TYRO3: variants seen among roughly 807,000 people sequenced by gnomAD.
TYRO3 encodes the protein TYRO3 protein tyrosine kinase.
In TYRO3, 38 loss-of-function variants were observed where a neutral mutation model predicts 95.2. That is an observed-to-expected ratio of 0.40 (90% CI 0.31 to 0.52). The LOEUF (loss-of-function observed/expected upper bound fraction) is 0.52, where lower values mean the gene tolerates loss of function less well. TYRO3 is among the 20% of genes least tolerant of loss of function. The pLI, the probability that TYRO3 is intolerant of heterozygous loss-of-function variation, is 0.56. For synonymous variants in TYRO3, 367 were observed against 432.9 expected (o/e 0.85, Z 1.89); for missense variants, 812 against 1,116.4 (o/e 0.73, Z 3.89).
At chr15:41,565,909 G>T (rs892565939) in intron 6 of TYRO3, among the ~76,000 whole-genome samples, 2 of 152,150 alleles carry the variant, frequency 1.3e-5, no homozygotes, top group African/African-American at 2.4e-5. Flanking sequence ...ATGCAGGCTT[G>T]CTCATTTTCA....
Position 41,561,621 on chromosome 15 carries a change from G to T in TYRO3, c.391G>T (p.Val131Leu). Residue 131 changes from valine to leucine, a missense_variant, in exon 3 of 19, where the codon GTG (valine) becomes TTG (leucine). Coordinates refer to ENST00000263798, the MANE Select transcript of TYRO3 (RefSeq NM_006293.4). ...GGGTGAAACCGAGATCTCCCAGCCA[G>T]TGTGGCTCACGGTAGAAGGTGAGGA... is the stretch of plus-strand genomic sequence containing the variant. ...DGGETEISQP[V>L]WLTVEGVPFF... 8 of 1,589,912 alleles carry T rather than the reference G, an allele frequency of 5.0e-6. No individual in the cohort carries two copies. The highest frequency in any genetic ancestry group is 6.8e-6 in the Non-Finnish European group (8 of 1,169,918).
intron 1 of TYRO3, among the ~76,000 whole-genome samples, chr15:41,560,389 GTGTA>G (rs1555395684): frequency 8.3e-5 from 10 of 120,374 alleles, no homozygotes; most frequent in African/African-American, 2.7e-4. Flanking sequence ...GGAGAGGTGC[GTGTA>G]TGTGTGTGTG....
At position 41,578,680 on chromosome 15, in the gene TYRO3, C is replaced by T. The variant is rs954407995; in HGVS notation, c.*404C>T. 1 of 244,672 alleles carries T rather than the reference C, an allele frequency of 4.1e-6. No homozygotes were observed. Among genetic ancestry groups the T allele is most frequent in the Non-Finnish European group, 7.7e-6 (1 of 129,070 alleles). 15.2% of individuals were successfully genotyped at this position (244,672 alleles called of 1,614,324 possible). A position where few individuals can be genotyped will look rare whatever the true frequency, so the allele number is the denominator to read the frequency against. On this transcript the variant is annotated 3_prime_UTR_variant, in exon 19 of 19. Transcript: ENST00000263798. ...GTGCATGCATTGAGCTGCCTCCAGC[C>T]TGGTGGCCCAGCTATTACCACACTT...
chr15:41,574,543 C>G (rs1335765627), intron 18 of TYRO3: 4 of 419,668 alleles, frequency 9.5e-6, no homozygotes, highest in Non-Finnish European at 1.9e-5. Flanking sequence ...GTAACATGGC[C>G]AACGTCACAG....
At chr15:41,563,470 A>ATCTTGACAAGAGGTGGACTATGAGACC in intron 4 of TYRO3, among the ~76,000 whole-genome samples, 1 of 152,198 alleles carries the variant, frequency 6.6e-6, no homozygotes, top group Non-Finnish European at 1.5e-5. Flanking sequence ...AGCAATTTGA[A>ATCTTGACAAGAGGTGGACTATGAGACC]TCTTGACAAG....
intron 1 of TYRO3, among the ~76,000 whole-genome samples, chr15:41,560,420 TGTGTGTGTGCGCGC>T (rs1276738369): frequency 2.8e-5 from 4 of 143,496 alleles, no homozygotes; most frequent in African/African-American, 1.1e-4. Context: ...TGTGTGTGTG[TGTGTGTGTGCGCGC>T]GCGCGCGCGC....
chr15:41,571,443 C>T, intron 13 of TYRO3, 152 bp from the exon 14 acceptor site: 1 of 639,112 alleles, frequency 1.6e-6, no homozygotes. Context: ...TAAGTATCAC[C>T]ACTCCTTGGG....
Position 41,568,105 on chromosome 15 carries a change from G to A in TYRO3, c.962-112G>A, listed in dbSNP as rs943770599. On this transcript the variant is annotated intron_variant, in intron 7 of 18. Coordinates refer to ENST00000263798, the MANE Select transcript of TYRO3 (RefSeq NM_006293.4). ...GAGCTGGGAGGTGAACCCTTCCCCA[G>A]TTTGTGCCTCTCAGAGCTGTTTAGT... The A allele has an allele frequency of 3.3e-5, 48 of 1,435,200 alleles. No individual in the cohort carries two copies. The East Asian group carries it at 6.4e-4, about 19-fold the overall frequency. The allele number at this position is 1,435,200 out of a possible 1,614,324, so 88.9% of individuals were successfully genotyped here.
chr15:41,572,624 G>C, intron 15 of TYRO3, 60 bp downstream of exon 15: 1 of 1,421,136 alleles, frequency 7.0e-7, no homozygotes, highest in Non-Finnish European at 9.6e-7. Flanking sequence ...GGCCTGGAAA[G>C]GCATAGAGAC....
rs747936946 is a variant in TYRO3, at chr15:41,573,749, C to T, written c.2216C>T (p.Ala739Val). ...GQTPYAGIEN[A>V]EIYNYLIGGN... ...ACGCCATATGCTGGCATCGAAAACG[C>T]TGAGATTTACAACTACCTCATTGGC... The change falls in exon 18 of 19, where the codon GCT becomes GTT. Residue 739 changes from alanine (A) to valine (V), a missense_variant. By Grantham distance (64) the Ala-to-Val change is moderately conservative. Coordinates refer to ENST00000263798, the MANE Select transcript of TYRO3 (RefSeq NM_006293.4). 1.3e-5 allele frequency: 21 copies of T among 1,614,160 alleles called. No individual in the cohort carries two copies. In the South Asian group the frequency reaches 2.1e-4, roughly 16 times the overall value.
chr15:41,559,617 G>A (rs950912131), intron 1 of TYRO3, among the ~76,000 whole-genome samples: 1 of 152,236 alleles, frequency 6.6e-6, no homozygotes, highest in Non-Finnish European at 1.5e-5. Context: ...GGAAGAGAAG[G>A]GAGCGGGGTG....
At chr15:41,575,403 C>T (rs1251995507) in intron 18 of TYRO3, among the ~76,000 whole-genome samples, 1 of 152,254 alleles carries the variant, frequency 6.6e-6, no homozygotes, top group Admixed American at 6.5e-5. Context: ...AGCGCAGCCT[C>T]CTCCCCAGCT....
At position 41,571,262 on chromosome 15, in the gene TYRO3, A is replaced by G. The variant is rs1167691510; in HGVS notation, c.1660+144A>G. On this transcript the variant is annotated intron_variant, in intron 13 of 18. Coordinates refer to ENST00000263798, the MANE Select transcript of TYRO3 (RefSeq NM_006293.4). ...CTGGGATGCTCTTTACCACACGAAT[A>G]ATTCACAAGCATAAACCCAAACATA... 5 of 764,340 alleles carry G rather than the reference A, an allele frequency of 6.5e-6. No homozygotes were observed. The African/African-American group carries it at 8.6e-5, about 13-fold the overall frequency. 47.3% of individuals were successfully genotyped at this position (764,340 alleles called of 1,614,324 possible).
At chr15:41,572,152 C>T (rs961747718) in intron 14 of TYRO3, among the ~76,000 whole-genome samples, 6 of 151,998 alleles carry the variant, frequency 3.9e-5, no homozygotes, top group Non-Finnish European at 5.9e-5. Flanking sequence ...GCTGTGATTG[C>T]GCCACTGCAC....
rs772395562 is a variant in TYRO3 at position 41,573,017 on chromosome 15, A to G, written c.1891A>G (p.Thr631Ala). 1 of 1,613,950 alleles carries G rather than the reference A, an allele frequency of 6.2e-7. No homozygotes were observed. ...GENPFNLPLQ[T>A]LIRFMVDIAC... ...TGTCCACTAGAACCTACCCCTCCAG[A>G]CCCTGATCCGGTTCATGGTGGACAT... The change falls in exon 16 of 19, where the codon ACC becomes GCC. Residue 631 changes from threonine to alanine, a missense_variant. Physicochemically the swap from Thr to Ala is moderately conservative, Grantham distance 58 (BLOSUM62 0). Transcript: ENST00000263798.
At chr15:41,559,944 G>C (rs984887458) in intron 1 of TYRO3, among the ~76,000 whole-genome samples, 1 of 152,252 alleles carries the variant, frequency 6.6e-6, no homozygotes, top group African/African-American at 2.4e-5. Flanking sequence ...TTTGGGAGGG[G>C]TTAGTCTTGT....
intron 7 of TYRO3, 98 bp downstream of exon 7, chr15:41,567,635 T>G: frequency 8.7e-7 from 1 of 1,152,096 alleles, no homozygotes; most frequent in Non-Finnish European, 1.2e-6. Flanking sequence ...AGATGGAGGT[T>G]CAGGCATCAT....
rs547095659 is a variant in TYRO3 at position 41,570,593 on chromosome 15, T to C, written c.1484-11T>C. 11 of 971,402 alleles carry C rather than the reference T, an allele frequency of 1.1e-5. No homozygotes were observed. In the East Asian group the frequency reaches 2.3e-4, roughly 20 times the overall value. The allele number at this position is 971,402 out of a possible 1,614,324, so 60.2% of individuals were successfully genotyped here. A position where few individuals can be genotyped will look rare whatever the true frequency, so the allele number is the denominator to read the frequency against. On this transcript the variant is annotated splice_polypyrimidine_tract_variant and intron_variant, in intron 11 of 18. Transcript: ENST00000263798. The stretch of plus-strand genomic sequence containing the variant: ...AGAGATCCCTCTTTCCCACAAACCC[T>C]TTCCCCACAGTGGACAGCTTGGGCA...
At position 41,572,461 on chromosome 15, in the gene TYRO3, G is replaced by A; in HGVS notation, c.1772G>A (p.Arg591Lys). Reference protein sequence around the residue: ...AKLVGVSLRSRAKGRLPIPMV... With the variant: ...AKLVGVSLRSKAKGRLPIPMV... The stretch of plus-strand genomic sequence containing the variant: ...GTCCCAGGGGTAAGCCTCCGGAGCA[G>A]GGCTAAAGGCCGTCTCCCCATCCCC... Residue 591 changes from arginine to lysine, a missense_variant, in exon 15 of 19, where the codon AGG becomes AAG. Transcript: ENST00000263798. 1 of 1,614,230 alleles carries A rather than the reference G, an allele frequency of 6.2e-7. No homozygotes were observed. Among genetic ancestry groups the A allele is most frequent in the Non-Finnish European group, 8.5e-7 (1 of 1,180,032 alleles).
Sources: allele counts gnomAD v4.1 joint callset (sites outside exome capture counted in the v4.1 genomes callset), GRCh38; gene constraint gnomAD v4.1.1; transcripts MANE v1.5; gene names NCBI Gene and HGNC (gene_info 2026-07-23, HGNC 2026-07-21).